Variants in ULK2 observed in about 807,000 individuals in gnomAD.
The protein encoded by ULK2 is unc-51 like autophagy activating kinase 2.
ULK2 carries 76 observed loss-of-function variants against 127.5 expected under a neutral mutation model. That is an observed-to-expected ratio of 0.60 (90% confidence interval 0.50 to 0.72). ULK2 has a LOEUF of 0.72. Among genes scored for constraint, ULK2 ranks in the 30% least tolerant of loss-of-function variants. The pLI, the probability that ULK2 is intolerant of heterozygous loss-of-function variation, is 0.00. For synonymous variants in ULK2, 452 were observed against 461.9 expected (o/e 0.98, Z 0.28); for missense variants, 1,144 against 1,295.9 (o/e 0.88, Z 1.80).
intron 3 of ULK2, among the ~76,000 whole-genome samples, chr17:19,857,399 T>C (rs553315253): frequency 6.6e-6 from 1 of 152,316 alleles, no homozygotes; most frequent in South Asian, 2.1e-4. Flanking sequence ...AAAATGTCTT[T>C]CCATCCCTTG....
At chr17:19,786,470 T>C (rs2087034392) in intron 20 of ULK2, among the ~76,000 whole-genome samples, 1 of 152,042 alleles carries the variant, frequency 6.6e-6, no homozygotes, top group Non-Finnish European at 1.5e-5. Flanking sequence ...TCCCAGCACT[T>C]TGGGAGGCCA....
intron 20 of ULK2, among the ~76,000 whole-genome samples, chr17:19,793,267 T>C (rs1451416085): frequency 6.6e-6 from 1 of 152,090 alleles, no homozygotes; most frequent in Non-Finnish European, 1.5e-5. Flanking sequence ...CATGATTCAA[T>C]TACCTCCACC....
chr17:19,777,664 T>A lies in ULK2; in HGVS notation c.2969A>T (p.Tyr990Phe). The stretch of plus-strand genomic sequence containing the variant: ...AAGAAGGGCTGCCTTATGATAGCGA[T>A]AAACAATATCTTCGGTCTGCTGAAA... Reference protein sequence around the residue: ...EMFQQTEDIVYRYHKAALLLE... With the variant: ...EMFQQTEDIVFRYHKAALLLE... The change falls in exon 26 of 27, where the codon TAT (tyrosine) becomes TTT (phenylalanine). Residue 990 changes from tyrosine to phenylalanine, a missense_variant. Tyr to Phe is a conservative substitution (Grantham distance 22). This residue lies in a region of ULK2 where 913 missense variants were observed against 970.5 expected (regional missense o/e 0.94). Coordinates refer to ENST00000395544, the MANE Select transcript of ULK2 (RefSeq NM_014683.4). The A allele has an allele frequency of 6.2e-7, 1 of 1,614,132 alleles. No individual in the cohort carries two copies. Among genetic ancestry groups the A allele is most frequent in the Non-Finnish European group, 8.5e-7 (1 of 1,180,022 alleles).
chr17:19,832,781 A>G (rs1001476244), intron 10 of ULK2, among the ~76,000 whole-genome samples: 1 of 152,224 alleles, frequency 6.6e-6, no homozygotes, highest in Non-Finnish European at 1.5e-5. Flanking sequence ...CAAAAACTGC[A>G]AGGAAAACAA....
At chr17:19,794,562 G>A (rs913340670) in intron 20 of ULK2, among the ~76,000 whole-genome samples, 11 of 152,110 alleles carry the variant, frequency 7.2e-5, no homozygotes, top group African/African-American at 2.2e-4. Flanking sequence ...GAGAACAAGG[G>A]TAAGAATTAC....
At chr17:19,824,127 T>C (rs2041229075) in intron 12 of ULK2, among the ~76,000 whole-genome samples, 1 of 152,128 alleles carries the variant, frequency 6.6e-6, no homozygotes, top group African/African-American at 2.4e-5. Context: ...TGTCTCACTT[T>C]TATGGCTCCC....
At chr17:19,791,759 G>C (rs1467696119) in intron 20 of ULK2, among the ~76,000 whole-genome samples, 2 of 150,158 alleles carry the variant, frequency 1.3e-5, no homozygotes, top group African/African-American at 4.9e-5. Context: ...GAGGGAGGCT[G>C]AGGCACAAGA....
At chr17:19,832,848 C>T (rs1174475526) in intron 10 of ULK2, among the ~76,000 whole-genome samples, 1 of 152,170 alleles carries the variant, frequency 6.6e-6, no homozygotes, top group African/African-American at 2.4e-5. Context: ...TCCGACCAGG[C>T]ATCGTGGCTC....
At chr17:19,807,706 A>G (rs986488827) in intron 14 of ULK2, among the ~76,000 whole-genome samples, 2 of 152,186 alleles carry the variant, frequency 1.3e-5, no homozygotes, top group East Asian at 3.8e-4. Context: ...GCAATATACA[A>G]TTCCCATAAT....
At position 19,782,069 on chromosome 17, in the gene ULK2, T is replaced by C. The variant is rs1433836322; in HGVS notation, c.2461-2A>G. ...GCGTAAGGTGTCTGTGTGTTCCCGCTGCAGCAAAGTCAATTTGTCTTAGAA... is the reference window on the plus strand; with the variant it reads ...GCGTAAGGTGTCTGTGTGTTCCCGCCGCAGCAAAGTCAATTTGTCTTAGAA... On this transcript the variant is annotated splice_acceptor_variant, in intron 22 of 26. Coordinates refer to ENST00000395544, the MANE Select transcript of ULK2 (RefSeq NM_014683.4). LOFTEE classifies it high-confidence loss of function. The C allele has an allele frequency of 6.2e-7, 1 of 1,612,820 alleles. No homozygotes were observed. Among genetic ancestry groups the C allele is most frequent in the Admixed American group, 1.7e-5 (1 of 59,816 alleles).
Position 19,867,545 on chromosome 17 carries a change from C to G in ULK2, c.-128G>C. The G allele has an allele frequency of 2.0e-6, 1 of 491,388 alleles. No homozygotes were observed. The highest frequency in any genetic ancestry group is 3.1e-6 in the Non-Finnish European group (1 of 324,394). The allele number at this position is 491,388 out of a possible 1,614,324, so 30.4% of individuals were successfully genotyped here. A position where few individuals can be genotyped will look rare whatever the true frequency, so the allele number is the denominator to read the frequency against. Reference sequence around the variant, plus strand: ...GTCTGGGGCAGCCGCAGCCCCGGGCCCGGGCGGACTCTCATGCCGAGAGAC... The same window carrying G: ...GTCTGGGGCAGCCGCAGCCCCGGGCGCGGGCGGACTCTCATGCCGAGAGAC... On this transcript the variant is annotated 5_prime_UTR_variant, in exon 1 of 27. Coordinates refer to ENST00000395544, the MANE Select transcript of ULK2 (RefSeq NM_014683.4).
At chr17:19,803,763 C>A (rs556175961) in intron 15 of ULK2, among the ~76,000 whole-genome samples, 1 of 152,244 alleles carries the variant, frequency 6.6e-6, no homozygotes, top group East Asian at 1.9e-4. Context: ...ATTTTTCATC[C>A]TTTGGTATCG....
rs114270801 is a variant in ULK2 at position 19,809,153 on chromosome 17, G to A, written c.1157+1225C>T. ...ATGAACCTTACAGTCATTATGCTAA[G>A]TGAAATAAGTCAAGTCACAAAACAG... On this transcript the variant is annotated intron_variant, in intron 14 of 26. Coordinates refer to ENST00000395544, the MANE Select transcript of ULK2 (RefSeq NM_014683.4). Among the ~76,000 whole-genome samples, 863 of 152,274 alleles carry A rather than the reference G, an allele frequency of 5.7e-3. 10 individuals carry two copies. Among genetic ancestry groups the A allele is most frequent in the African/African-American group, 0.02 (830 of 41,556 alleles).
intron 20 of ULK2, among the ~76,000 whole-genome samples, chr17:19,791,042 CCAATA>C (rs2087141000): frequency 6.6e-6 from 1 of 152,098 alleles, no homozygotes; most frequent in Non-Finnish European, 1.5e-5. Context: ...GAGATAGACC[CCAATA>C]CAATAGCTGG....
chr17:19,782,036 T>C lies in ULK2; in HGVS notation c.2492A>G (p.Asn831Ser). The C allele has an allele frequency of 1.2e-6, 2 of 1,614,178 alleles. No homozygotes were observed. The highest frequency in any genetic ancestry group is 1.7e-6 in the Non-Finnish European group (2 of 1,180,026). ...ACACTCAGTGAACATCAGCATCACA[T>C]TCAGATGGCGTAAGGTGTCTGTGTG... ...REHTDTLRHL[N>S]VMLMFTECVL... Residue 831 changes from asparagine (N) to serine (S), a missense_variant, in exon 23 of 27, where the codon AAT becomes AGT. By Grantham distance (46) the Asn-to-Ser change is conservative (BLOSUM62 1). Around this residue, in one of 2 missense-constraint regions of ULK2, gnomAD observed 913 missense variants for 970.5 expected, o/e 0.94. Transcript: ENST00000395544.
chr17:19,806,078 TC>T (rs1456613400), intron 14 of ULK2, among the ~76,000 whole-genome samples: 1 of 151,932 alleles, frequency 6.6e-6, no homozygotes, highest in Non-Finnish European at 1.5e-5. Flanking sequence ...ACAAACAAAA[TC>T]CCAAAAACAC....
chr17:19,849,594 A>C (rs1273663580), intron 4 of ULK2, 148 bp downstream of exon 4: 1 of 820,922 alleles, frequency 1.2e-6, no homozygotes, highest in African/African-American at 1.8e-5. Flanking sequence ...AATCAACTTT[A>C]TTAATACAAA....
intron 20 of ULK2, 101 bp from the exon 21 acceptor site, chr17:19,786,187 T>C (rs2087027531): frequency 2.6e-6 from 3 of 1,165,072 alleles, no homozygotes; most frequent in Non-Finnish European, 3.5e-6. Context: ...AGGAGTCTAG[T>C]GGTTTTTTTT....
chr17:19,825,997 A>ATAAATAAATAAAT (rs1555560363), intron 11 of ULK2, 142 bp downstream of exon 11: 38 of 59,298 alleles, frequency 6.4e-4, no homozygotes, highest in South Asian at 3.3e-3. Context: ...AAAAAAAAAA[A>ATAAATAAATAAAT]AAAAAAATAA....
Sources: gnomAD v4.1 joint callset for allele counts (sites outside exome capture counted in the v4.1 genomes callset) on GRCh38, gnomAD v4.1.1 for gene constraint, gnomAD v4.1.1 regional missense constraint, MANE v1.5 for transcripts, NCBI Gene and HGNC (gene_info 2026-07-23, HGNC 2026-07-21) for gene names.